CACNA1C: variants seen among roughly 807,000 people sequenced by gnomAD.
CACNA1C encodes calcium voltage-gated channel subunit alpha1 C.
In CACNA1C, 30 loss-of-function variants were observed where a neutral mutation model predicts 229.0. The observed-to-expected ratio is 0.13, with a 90% CI of 0.10 to 0.18. The LOEUF (loss-of-function observed/expected upper bound fraction) is 0.18, where lower values mean the gene tolerates loss of function less well. CACNA1C is among the 10% of genes least tolerant of loss of function. CACNA1C has a pLI of 1.00. For missense variants in CACNA1C, 1,658 were observed against 2,845.0 expected, an observed-to-expected ratio of 0.58 and a Z score of 9.49; for synonymous variants, 1,114 against 1,132.5, an observed-to-expected ratio of 0.98 and a Z score of 0.33.
chr12:2,249,473 T>G (rs2074700207), intron 3 of CACNA1C, among the ~76,000 whole-genome samples: 1 of 152,194 alleles, frequency 6.6e-6, no homozygotes, highest in Non-Finnish European at 1.5e-5. Context: ...ACCTGACCCT[T>G]TACAGAAAAA....
chr12:2,540,940 G>T (rs1301610789), intron 9 of CACNA1C, among the ~76,000 whole-genome samples: 1 of 152,184 alleles, frequency 6.6e-6, no homozygotes, highest in African/African-American at 2.4e-5. Context: ...TGAGATCAAG[G>T]TGCTGGCGGG....
chr12:2,332,742 A>G (rs2096584128), intron 3 of CACNA1C, among the ~76,000 whole-genome samples: 1 of 152,238 alleles, frequency 6.6e-6, no homozygotes, highest in South Asian at 2.1e-4. Context: ...GCATGACAGC[A>G]TGCTTACCTT....
chr12:2,008,985 G>T (rs1342803046), intron 1 of CACNA1C, among the ~76,000 whole-genome samples: 1 of 152,044 alleles, frequency 6.6e-6, no homozygotes, highest in Admixed American at 6.6e-5. Context: ...ATACTAAGTT[G>T]CAGGCTCGAT....
chr12:2,246,764 C>G (rs1365933615), intron 3 of CACNA1C, among the ~76,000 whole-genome samples: 1 of 152,194 alleles, frequency 6.6e-6, no homozygotes, highest in Admixed American at 6.5e-5. Flanking sequence ...CTGGTCCACA[C>G]CGCTGCCTGG....
At chr12:2,004,500 A>G in intron 1 of CACNA1C, 1 of 1,523,378 alleles carries the variant, frequency 6.6e-7, no homozygotes, top group Non-Finnish European at 8.8e-7. Flanking sequence ...AGAACGAGCG[A>G]GCTGCCTCGC....
Position 1,995,881 on chromosome 12 carries a change from CCCTT to C in CACNA1C, c.139+24681_139+24684del, listed in dbSNP as rs373659683. Among the ~76,000 whole-genome samples the C allele has an allele frequency of 5.5e-3, 830 of 152,280 alleles. 5 individuals are homozygous for C. The highest frequency in any genetic ancestry group is 0.018 in the African/African-American group (763 of 41,550). ...CAACTCTAAACCATCTCCAGCCCTG[CCCTT>C]ACTCTGAGGGGCTGGCCACCTCCAC... is the stretch of plus-strand genomic sequence containing the variant. On this transcript the variant is annotated intron_variant, in intron 1 of 46. Coordinates refer to the CACNA1C transcript ENST00000682462.
chr12:2,491,638 G>A (rs1196146850), intron 6 of CACNA1C, among the ~76,000 whole-genome samples: 2 of 147,476 alleles, frequency 1.4e-5, no homozygotes, highest in African/African-American at 5.3e-5. Flanking sequence ...AGAAGAAGGA[G>A]GAGGAGGAGG....
chr12:2,136,629 C>T (rs527798176), intron 3 of CACNA1C, among the ~76,000 whole-genome samples: 4 of 151,368 alleles, frequency 2.6e-5, no homozygotes, highest in African/African-American at 4.8e-5. Context: ...AGGGAGTGAA[C>T]GTCCCCAGGC....
chr12:2,165,547 C>G (rs981344597), intron 3 of CACNA1C, among the ~76,000 whole-genome samples: 1 of 152,208 alleles, frequency 6.6e-6, no homozygotes, highest in African/African-American at 2.4e-5. Context: ...CACTTCCTAA[C>G]CTTGGATACC....
chr12:2,419,277 A>G (rs2098949284), intron 3 of CACNA1C, among the ~76,000 whole-genome samples: 1 of 152,142 alleles, frequency 6.6e-6, no homozygotes. Flanking sequence ...CAGAAGGTGA[A>G]GGGGGAGCAG....
At chr12:2,069,150 T>C (rs1157141423) in intron 1 of CACNA1C, among the ~76,000 whole-genome samples, 1 of 152,204 alleles carries the variant, frequency 6.6e-6, no homozygotes, top group African/African-American at 2.4e-5. Context: ...TGGACTCAGC[T>C]CTTCTTCAGA....
At chr12:2,301,956 T>C (rs1234854855) in intron 3 of CACNA1C, among the ~76,000 whole-genome samples, 1 of 152,248 alleles carries the variant, frequency 6.6e-6, no homozygotes, top group Admixed American at 6.5e-5. Flanking sequence ...GTTGCGAGGC[T>C]ATTTTGAAGA....
chr12:2,105,102 T>A lies in CACNA1C; in HGVS notation c.50-10122T>A, dbSNP rs147969074. ...TTACGAGGCTTCCTTTTCCTTTCTT[T>A]ACCTTCTTTCAGCCAGCTGCCCCAT... On this transcript the variant is annotated intron_variant, in intron 1 of 46. Coordinates refer to ENST00000399655, the MANE Select transcript of CACNA1C (RefSeq NM_000719.7). Among the ~76,000 whole-genome samples, 17 of 152,338 alleles carry A rather than the reference T, an allele frequency of 1.1e-4. No individual in the cohort carries two copies. In the East Asian group the frequency reaches 3.3e-3, roughly 29 times the overall value.
intron 1 of CACNA1C, among the ~76,000 whole-genome samples, chr12:1,986,023 C>T (rs993328824): frequency 6.6e-6 from 1 of 152,156 alleles, no homozygotes; most frequent in African/African-American, 2.4e-5. Context: ...CCGTGTTAGC[C>T]AGGATGGTCT....
chr12:2,564,471 C>T (rs1285261709), intron 11 of CACNA1C, among the ~76,000 whole-genome samples: 1 of 152,184 alleles, frequency 6.6e-6, no homozygotes, highest in Non-Finnish European at 1.5e-5. Context: ...TTTGTTTCTC[C>T]TCCTGCCTTC....
chr12:2,591,335 T>TC (rs1428131329), intron 18 of CACNA1C, among the ~76,000 whole-genome samples: 1 of 152,106 alleles, frequency 6.6e-6, no homozygotes, highest in Non-Finnish European at 1.5e-5. Context: ...CAGACTAGTA[T>TC]CCCCTTCACC....
At chr12:2,139,237 A>G (rs1310516966) in intron 3 of CACNA1C, among the ~76,000 whole-genome samples, 1 of 150,594 alleles carries the variant, frequency 6.6e-6, no homozygotes, top group African/African-American at 2.4e-5. Context: ...GCCTCACTCC[A>G]GATCTCTGCC....
chr12:2,207,482 G>T lies in CACNA1C; in HGVS notation c.477+87052G>T, dbSNP rs575732135. On this transcript the variant is annotated intron_variant, in intron 3 of 46. Transcript: ENST00000399655. ...CATTTTAGGAAATTGGCTTTGAGTT[G>T]ACATGTAATGCATTATAATTTTTCT... is the stretch of plus-strand genomic sequence containing the variant. Among the ~76,000 whole-genome samples the T allele has an allele frequency of 2.0e-5, 3 of 152,222 alleles. No homozygotes were observed. In the East Asian group the frequency reaches 5.8e-4, roughly 29 times the overall value.
chr12:2,587,548 CTT>C (rs2153234323), intron 18 of CACNA1C, among the ~76,000 whole-genome samples: 1 of 152,254 alleles, frequency 6.6e-6, no homozygotes, highest in Non-Finnish European at 1.5e-5. Flanking sequence ...AATCTATACT[CTT>C]GGCTTTTCTT....
Sources: allele counts gnomAD v4.1 joint callset (sites outside exome capture counted in the v4.1 genomes callset), GRCh38; gene constraint gnomAD v4.1.1; transcripts MANE v1.5; gene names NCBI Gene and HGNC (gene_info 2026-07-23, HGNC 2026-07-21).